Variants in GSN observed in about 807,000 individuals in gnomAD.
GSN encodes gelsolin.
A neutral mutation model predicts 85.7 loss-of-function variants in GSN; 56 were observed. The ratio of observed to expected loss-of-function variants is 0.65; its 90% CI spans 0.53 to 0.82. The LOEUF (loss-of-function observed/expected upper bound fraction) is 0.82, where lower values mean the gene tolerates loss of function less well. Among genes scored for constraint, GSN ranks in the 40% least tolerant of loss-of-function variants. The pLI, the probability that GSN is intolerant of heterozygous loss-of-function variation, is 0.00. For synonymous variants in GSN, 373 were observed against 399.1 expected (o/e 0.93, Z 0.78); for missense variants, 857 against 979.8 (o/e 0.87, Z 1.67).
At chr9:121,226,891 G>C (rs1162382612) in intron 4 of GSN, among the ~76,000 whole-genome samples, 5 of 152,188 alleles carry the variant, frequency 3.3e-5, no homozygotes, top group Non-Finnish European at 5.9e-5. Context: ...GTTAATAATC[G>C]ATCATGCCTA....
intron 13 of GSN, 128 bp from the exon 14 acceptor site, chr9:121,327,180 C>T (rs774237102): frequency 6.0e-6 from 5 of 834,448 alleles, no homozygotes; most frequent in African/African-American, 5.0e-5. Flanking sequence ...GTGCCCTCAG[C>T]TCTGATGGGC....
Position 121,329,442 on chromosome 9 carries a change from A to T in GSN, c.1965+127A>T. The T allele has an allele frequency of 1.4e-6, 1 of 718,388 alleles. No homozygotes were observed. Among genetic ancestry groups the T allele is most frequent in the East Asian group, 2.6e-5 (1 of 37,890 alleles). The allele number at this position is 718,388 out of a possible 1,614,324, so 44.5% of individuals were successfully genotyped here. ...GCCAGGTGTTGCCAGAAAAGTCTCTAAGGGTACTGGAAGTCACTTCTTCTT... is the reference window on the plus strand; with the variant it reads ...GCCAGGTGTTGCCAGAAAAGTCTCTTAGGGTACTGGAAGTCACTTCTTCTT... On this transcript the variant is annotated intron_variant, in intron 16 of 17. Transcript: ENST00000432226. The surrounding 1 kb of genome is among the most constrained non-coding windows in gnomAD (Gnocchi z 4.6).
intron 4 of GSN, chr9:121,310,420 C>G: frequency 4.0e-6 from 2 of 497,870 alleles, no homozygotes; most frequent in South Asian, 2.1e-5. Flanking sequence ...CAGAAAGATG[C>G]AGTGGGCAGG....
At chr9:121,271,479 G>C (rs1468077946) in intron 1 of GSN, among the ~76,000 whole-genome samples, 1 of 152,214 alleles carries the variant, frequency 6.6e-6, no homozygotes, top group African/African-American at 2.4e-5. Context: ...TTACAGATGA[G>C]GAAACTGAGT....
At chr9:121,253,097 C>T (rs1213526854) in intron 6 of GSN, among the ~76,000 whole-genome samples, 2 of 152,180 alleles carry the variant, frequency 1.3e-5, no homozygotes, top group Non-Finnish European at 2.9e-5. Context: ...CTAGCTGGGT[C>T]TTTAGCCTCT....
chr9:121,274,043 A>G (rs1162232083), intron 1 of GSN, among the ~76,000 whole-genome samples: 3 of 152,208 alleles, frequency 2.0e-5, no homozygotes, highest in East Asian at 1.9e-4. Context: ...ATGGCTTTCT[A>G]CTGAGTCTCT....
chr9:121,326,705 C>A, intron 13 of GSN, 23 bp downstream of exon 13: 1 of 1,601,246 alleles, frequency 6.2e-7, no homozygotes, highest in Non-Finnish European at 8.6e-7. Context: ...TCCTGGAACA[C>A]AGAAGGGATT....
chr9:121,286,598 C>G, intron 2 of GSN: 1 of 1,497,622 alleles, frequency 6.7e-7, no homozygotes, highest in Non-Finnish European at 8.9e-7. Context: ...CTTTGTGCTC[C>G]CAGGGCCCAC....
In GSN at chr9:121,281,510, G is replaced by A. The variant is rs1164464902; in HGVS notation, c.-62G>A. The A allele has an allele frequency of 4.9e-6, 2 of 404,650 alleles. No individual in the cohort carries two copies. Among genetic ancestry groups the A allele is most frequent in the East Asian group, 7.2e-5 (1 of 13,906 alleles). 25.1% of individuals were successfully genotyped at this position (404,650 alleles called of 1,614,324 possible). A position where few individuals can be genotyped will look rare whatever the true frequency, so the allele number is the denominator to read the frequency against. ...CTCTTTGTCCAGTGCTTCGGCCTTG[G>A]TCCCAGCGCCTTCCCACGGAGCAGC... On this transcript the variant is annotated 5_prime_UTR_variant, in exon 2 of 18. Transcript: ENST00000432226.
chr9:121,219,259 A>AT (rs34899791), intron 4 of GSN, among the ~76,000 whole-genome samples: 2,354 of 132,726 alleles, frequency 0.018, 100 homozygotes, highest in East Asian at 0.17. Context: ...AAGTTAGGGG[A>AT]TTTTTTTTTT....
At chr9:121,225,005 G>C (rs1206756399) in intron 4 of GSN, among the ~76,000 whole-genome samples, 1 of 152,040 alleles carries the variant, frequency 6.6e-6, no homozygotes, top group African/African-American at 2.4e-5. Flanking sequence ...TATTTGTTGA[G>C]ACGGGATCTC....
At chr9:121,286,752 A>T in intron 2 of GSN, 1 of 1,535,240 alleles carries the variant, frequency 6.5e-7, no homozygotes, top group South Asian at 1.2e-5. Flanking sequence ...TCTTCATGCC[A>T]CTGTGTACAG....
upstream of GSN, among the ~76,000 whole-genome samples, chr9:121,263,514 A>G (rs1484001897): frequency 6.6e-6 from 1 of 152,142 alleles, no homozygotes; most frequent in African/African-American, 2.4e-5. Flanking sequence ...ACTTACAATC[A>G]TGGTGGAAAG....
intron 1 of GSN, chr9:121,207,953 GTGTGTGTA>G (rs1334740893): frequency 6.6e-6 from 1 of 151,104 alleles, no homozygotes; most frequent in East Asian, 1.9e-4. Flanking sequence ...GTGTGTGTGT[GTGTGTGTA>G]TTTTTTGTAG....
At chr9:121,247,942 A>C (rs951633791) in intron 5 of GSN, among the ~76,000 whole-genome samples, 8 of 149,474 alleles carry the variant, frequency 5.4e-5, no homozygotes, top group African/African-American at 1.7e-4. Flanking sequence ...CCATCCATGA[A>C]GAGGGGCAGT....
intron 4 of GSN, among the ~76,000 whole-genome samples, chr9:121,212,154 C>T (rs1374242769): frequency 2.0e-5 from 3 of 151,984 alleles, no homozygotes; most frequent in Non-Finnish European, 2.9e-5. Context: ...CCTCATAATG[C>T]GATAAAAAAA....
chr9:121,302,965 T>C lies in GSN; in HGVS notation c.251T>C (p.Leu84Pro), dbSNP rs1190417217. 6.2e-7 allele frequency: 1 copy of C among 1,613,986 alleles called. No homozygotes were observed. Among genetic ancestry groups the C allele is most frequent in the Admixed American group, 1.7e-5 (1 of 60,030 alleles). ...SGAAAIFTVQ[L>P]DDYLNGRAVQ... ...GCGGCCGCCATCTTTACCGTGCAGC[T>C]GGATGACTACCTGAACGGCCGGGCC... Residue 84 changes from leucine to proline, a missense_variant, in exon 4 of 18, where the codon CTG becomes CCG. By Grantham distance (98) the Leu-to-Pro change is moderately conservative. Coordinates refer to ENST00000432226, the MANE Select transcript of GSN (RefSeq NM_198252.3).
At position 121,222,791 on chromosome 9, in the gene GSN, T is replaced by G. The variant is rs187990143; in HGVS notation, c.-527-8374T>G. 1.1e-4 allele frequency: 17 copies of G among 152,196 alleles called. No individual in the cohort carries two copies. The East Asian group carries it at 3.3e-3, about 29-fold the overall frequency. The allele number at this position is 152,196 out of a possible 1,614,324, so 9.4% of individuals were successfully genotyped here. Reference sequence around the variant, plus strand: ...TTTTAGAGCAGGAGTAAAAGTTTATTAAAATTTTCTAGAGCAGGAACCAAA... The same window carrying G: ...TTTTAGAGCAGGAGTAAAAGTTTATGAAAATTTTCTAGAGCAGGAACCAAA... On this transcript the variant is annotated intron_variant, in intron 4 of 24. Coordinates refer to the GSN transcript ENST00000373823.
chr9:121,312,287 G>T, intron 5 of GSN, 52 bp from the exon 6 acceptor site: 1 of 1,598,756 alleles, frequency 6.3e-7, no homozygotes, highest in Non-Finnish European at 8.6e-7. Flanking sequence ...CTGTCGCTGG[G>T]CGGGGCTTAT....
Sources: allele counts gnomAD v4.1 joint callset (sites outside exome capture counted in the v4.1 genomes callset), GRCh38; gene constraint gnomAD v4.1.1; non-coding constraint Gnocchi (gnomAD v3.1); transcripts MANE v1.5; gene names NCBI Gene and HGNC (gene_info 2026-07-23, HGNC 2026-07-21).